SLIT3: variants seen among roughly 807,000 people sequenced by gnomAD.
The protein encoded by SLIT3 is slit guidance ligand 3, also known as slit homolog 3 protein.
In SLIT3, 68 loss-of-function variants were observed where a neutral mutation model predicts 184.0. The ratio of observed to expected loss-of-function variants is 0.37; its 90% CI spans 0.30 to 0.45. SLIT3 has a LOEUF of 0.45. Ranked by LOEUF, SLIT3 falls within the 20% of genes least tolerant of loss-of-function variation. SLIT3 has a pLI of 1.00. For missense variants in SLIT3, 1,707 were observed against 2,026.0 expected (o/e 0.84, Z 3.02); for synonymous variants, 831 against 828.6 (o/e 1.00, Z -0.05).
At chr5:168,787,707 A>T (rs1348212255) in intron 11 of SLIT3, among the ~76,000 whole-genome samples, 2 of 152,052 alleles carry the variant, frequency 1.3e-5, no homozygotes, top group Non-Finnish European at 2.9e-5. Context: ...GTAACGTTAC[A>T]TGGCTGTTCA....
chr5:168,972,336 C>CGTGTGTGTGTGTGTGTGTGTGTGT (rs1353519749), intron 4 of SLIT3, among the ~76,000 whole-genome samples: 508 of 39,722 alleles, frequency 0.013, 8 homozygotes, highest in Admixed American at 0.022. Context: ...TGCAGGACAA[C>CGTGTGTGTGTGTGTGTGTGTGTGT]ATGTGTGTGT....
At chr5:169,066,813 A>G (rs532707661) in intron 4 of SLIT3, among the ~76,000 whole-genome samples, 1 of 152,338 alleles carries the variant, frequency 6.6e-6, no homozygotes, top group Admixed American at 6.5e-5. Flanking sequence ...GCAGAGATTA[A>G]TAAGTTATGG....
At chr5:168,953,548 T>A (rs1762729794) in intron 4 of SLIT3, among the ~76,000 whole-genome samples, 1 of 152,196 alleles carries the variant, frequency 6.6e-6, no homozygotes, top group Non-Finnish European at 1.5e-5. Context: ...CTCCGTAACG[T>A]GAAGCTAATG....
chr5:168,769,838 T>C (rs1381922018), intron 14 of SLIT3, among the ~76,000 whole-genome samples: 1 of 152,208 alleles, frequency 6.6e-6, no homozygotes, highest in East Asian at 1.9e-4. Context: ...GGGTTTCAGA[T>C]CTTGCCCTAA....
intron 4 of SLIT3, among the ~76,000 whole-genome samples, chr5:169,176,029 CTGT>C (rs1051785847): frequency 5.9e-5 from 9 of 152,192 alleles, no homozygotes; most frequent in African/African-American, 1.4e-4. Context: ...TTTGGCTTTT[CTGT>C]TGTTGTTTGA....
At chr5:168,874,634 T>A (rs899232350) in intron 5 of SLIT3, among the ~76,000 whole-genome samples, 4 of 152,190 alleles carry the variant, frequency 2.6e-5, no homozygotes, top group Non-Finnish European at 5.9e-5. Flanking sequence ...CATCTTGGCC[T>A]AGAAGAAATT....
At chr5:169,240,532 A>G (rs1765362560) in intron 3 of SLIT3, among the ~76,000 whole-genome samples, 1 of 147,592 alleles carries the variant, frequency 6.8e-6, no homozygotes, top group Non-Finnish European at 1.5e-5. Flanking sequence ...ATTATCTTTA[A>G]TAGAGTGACA....
chr5:168,943,814 A>C (rs1215593218), intron 4 of SLIT3, among the ~76,000 whole-genome samples: 1 of 152,202 alleles, frequency 6.6e-6, no homozygotes, highest in Non-Finnish European at 1.5e-5. Context: ...CATTAGGGAC[A>C]AACACCTTGA....
chr5:169,274,421 C>A (rs543857765), intron 1 of SLIT3, among the ~76,000 whole-genome samples: 1 of 152,294 alleles, frequency 6.6e-6, no homozygotes, highest in South Asian at 2.1e-4. Context: ...TAGAGGCCAA[C>A]CACGCAGAGT....
intron 1 of SLIT3, among the ~76,000 whole-genome samples, chr5:169,270,407 T>C (rs568731715): frequency 1.5e-4 from 23 of 152,236 alleles, no homozygotes; most frequent in Non-Finnish European, 2.9e-4. Flanking sequence ...ATGGTTTTTA[T>C]ATTTTTAAAT....
intron 4 of SLIT3, among the ~76,000 whole-genome samples, chr5:169,086,212 T>C (rs146780233): frequency 1.1e-4 from 17 of 152,300 alleles, no homozygotes; most frequent in Non-Finnish European, 2.2e-4. Flanking sequence ...CCATTTTACA[T>C]ATGAACAAAA....
chr5:168,756,129 C>T (rs1186997812), intron 16 of SLIT3, among the ~76,000 whole-genome samples: 3 of 152,260 alleles, frequency 2.0e-5, no homozygotes, highest in Non-Finnish European at 4.4e-5. Context: ...GCAGAATTGG[C>T]GGGCTCGCAG....
chr5:168,780,345 G>A (rs1755926452), intron 12 of SLIT3, among the ~76,000 whole-genome samples: 1 of 152,258 alleles, frequency 6.6e-6, no homozygotes, highest in African/African-American at 2.4e-5. Flanking sequence ...CTGTGGGATA[G>A]GAAGATGGGC....
intron 4 of SLIT3, among the ~76,000 whole-genome samples, chr5:169,104,794 C>T (rs185822485): frequency 1.5e-3 from 223 of 152,262 alleles, no homozygotes; most frequent in African/African-American, 5.2e-3. Context: ...ATCAGCAGCT[C>T]AAAAGAAAAC....
intron 9 of SLIT3, among the ~76,000 whole-genome samples, chr5:168,804,470 G>A (rs1318131077): frequency 1.3e-5 from 2 of 152,124 alleles, no homozygotes; most frequent in Non-Finnish European, 2.9e-5. Context: ...GGAGAAGTAG[G>A]TGAGGACTAA....
At chr5:168,821,184 T>C (rs1757519679) in intron 7 of SLIT3, among the ~76,000 whole-genome samples, 1 of 152,322 alleles carries the variant, frequency 6.6e-6, no homozygotes, top group African/African-American at 2.4e-5. Flanking sequence ...AACCCTCCTG[T>C]TCTCTTCCCC....
chr5:168,817,650 C>T (rs1757379279), intron 7 of SLIT3, among the ~76,000 whole-genome samples, 187 bp from the exon 8 acceptor site: 3 of 152,220 alleles, frequency 2.0e-5, no homozygotes, highest in African/African-American at 7.2e-5. Flanking sequence ...ATTGCCAGGT[C>T]ACATCCAAAG....
intron 14 of SLIT3, among the ~76,000 whole-genome samples, chr5:168,771,565 C>T (rs1406126853): frequency 6.6e-6 from 1 of 152,210 alleles, no homozygotes; most frequent in Non-Finnish European, 1.5e-5. Context: ...TAGAAGCCTC[C>T]AGTACCACGC....
chr5:169,231,474 G>T (rs911490766), intron 3 of SLIT3, among the ~76,000 whole-genome samples: 1 of 152,180 alleles, frequency 6.6e-6, no homozygotes, highest in Non-Finnish European at 1.5e-5. Context: ...ATTCTTTTAT[G>T]TCCGGTTTTT....
Sources: allele counts gnomAD v4.1 joint callset (sites outside exome capture counted in the v4.1 genomes callset), GRCh38; gene constraint gnomAD v4.1.1; transcripts MANE v1.5; gene names NCBI Gene and HGNC (gene_info 2026-07-23, HGNC 2026-07-21).